SNX30: variants seen among roughly 807,000 people sequenced by gnomAD.
SNX30 encodes sorting nexin-30.
SNX30 carries 24 observed loss-of-function variants against 46.4 expected under a neutral mutation model. That is an observed-to-expected ratio of 0.52 (90% CI 0.37 to 0.73). The LOEUF (loss-of-function observed/expected upper bound fraction) is 0.73, where lower values mean the gene tolerates loss of function less well. SNX30 is among the 30% of genes least tolerant of loss of function. SNX30 has a pLI of 0.00. For missense variants in SNX30, 533 were observed against 555.7 expected (o/e 0.96, Z 0.41); for synonymous variants, 189 against 211.5 (o/e 0.89, Z 0.92).
In SNX30 at chr9:112,835,809, G is replaced by A. The variant is rs149449264; in HGVS notation, c.619-405G>A. Among the ~76,000 whole-genome samples the A allele has an allele frequency of 1.6e-3, 240 of 152,138 alleles. 2 individuals are homozygous for A. The highest frequency in any genetic ancestry group is 5.5e-3 in the African/African-American group (228 of 41,506). On this transcript the variant is annotated intron_variant, in intron 4 of 8. Coordinates refer to ENST00000374232, the MANE Select transcript of SNX30 (RefSeq NM_001012994.2). ...TTACTCCCCTTATATGGCTTTAGTTGGGGTATAAATAAATGAGTGATGGAT... is the reference window on the plus strand; with the variant it reads ...TTACTCCCCTTATATGGCTTTAGTTAGGGTATAAATAAATGAGTGATGGAT...
intron 8 of SNX30, among the ~76,000 whole-genome samples, chr9:112,867,795 T>C (rs1588144729): frequency 3.2e-4 from 8 of 25,338 alleles, no homozygotes; most frequent in South Asian, 1.4e-3. Context: ...TCAGAACCCC[T>C]CTCCACTTCC....
intron 4 of SNX30, 85 bp downstream of exon 4, chr9:112,830,968 C>A: frequency 7.2e-7 from 1 of 1,384,128 alleles, no homozygotes; most frequent in Non-Finnish European, 9.8e-7. Context: ...AGGACTCGGT[C>A]TCTACAAAAA....
intron 7 of SNX30, among the ~76,000 whole-genome samples, chr9:112,858,732 C>T (rs962430602): frequency 3.3e-5 from 5 of 152,230 alleles, no homozygotes; most frequent in Middle Eastern, 3.4e-3. Context: ...CTTCTAACTC[C>T]TACCACCCCT....
At chr9:112,883,897 A>C (rs1183265779), downstream of SNX30, among the ~76,000 whole-genome samples, 3 of 152,026 alleles carry the variant, frequency 2.0e-5, no homozygotes, top group Non-Finnish European at 2.9e-5. Flanking sequence ...TGGTTTCACT[A>C]TGTTGGCCAG....
At chr9:112,844,945 A>C (rs1840917982) in intron 6 of SNX30, among the ~76,000 whole-genome samples, 1 of 152,204 alleles carries the variant, frequency 6.6e-6, no homozygotes, top group South Asian at 2.1e-4. Context: ...CCAAAACTGA[A>C]ATGAAGAGTT....
In SNX30 at chr9:112,771,422, T is replaced by C. The variant is rs76200195; in HGVS notation, c.156+20265T>C. On this transcript the variant is annotated intron_variant, in intron 1 of 8. Coordinates refer to ENST00000374232, the MANE Select transcript of SNX30 (RefSeq NM_001012994.2). Reference sequence around the variant, plus strand: ...AATAAGGCAGCCCTGTATATACTTATATGCAACAATGGAAAAAAACGTTAA... The same window carrying C: ...AATAAGGCAGCCCTGTATATACTTACATGCAACAATGGAAAAAAACGTTAA... Among the ~76,000 whole-genome samples, 414 of 152,314 alleles carry C rather than the reference T, an allele frequency of 2.7e-3. 2 individuals carry two copies. The highest frequency in any genetic ancestry group is 9.2e-3 in the African/African-American group (383 of 41,566).
chr9:112,820,358 T>C (rs1409293613), intron 3 of SNX30, among the ~76,000 whole-genome samples: 2 of 152,174 alleles, frequency 1.3e-5, no homozygotes, highest in East Asian at 3.8e-4. Flanking sequence ...AAAAAAATTT[T>C]ATAGTAGCTT....
intron 7 of SNX30, among the ~76,000 whole-genome samples, chr9:112,855,953 G>A (rs1841119639): frequency 6.6e-6 from 1 of 152,102 alleles, no homozygotes; most frequent in South Asian, 2.1e-4. Context: ...GAGAAGCTGA[G>A]GAATTAGATT....
chr9:112,810,699 G>T (rs1840305959), intron 2 of SNX30, among the ~76,000 whole-genome samples: 1 of 152,100 alleles, frequency 6.6e-6, no homozygotes, highest in Non-Finnish European at 1.5e-5. Flanking sequence ...TGAGCCACCT[G>T]GATCTCGAGG....
chr9:112,796,551 T>C (rs932671006), intron 1 of SNX30, among the ~76,000 whole-genome samples: 4 of 152,194 alleles, frequency 2.6e-5, no homozygotes, highest in African/African-American at 4.8e-5. Context: ...TCCCAGCTGA[T>C]GAGCTTGTCC....
chr9:112,820,584 A>C (rs1840476033), intron 3 of SNX30, among the ~76,000 whole-genome samples: 1 of 152,258 alleles, frequency 6.6e-6, no homozygotes, highest in Admixed American at 6.5e-5. Flanking sequence ...TGTACAATTC[A>C]AAGGCTTTTA....
chr9:112,845,672 A>G (rs1280126873), intron 6 of SNX30, among the ~76,000 whole-genome samples: 1 of 152,184 alleles, frequency 6.6e-6, no homozygotes, highest in East Asian at 1.9e-4. Flanking sequence ...TTTCTAGAAA[A>G]TCTGGACGGG....
At chr9:112,851,065 G>T in intron 7 of SNX30, 120 bp downstream of exon 7, 2 of 608,302 alleles carry the variant, frequency 3.3e-6, no homozygotes, top group Non-Finnish European at 5.8e-6. Flanking sequence ...CTACGTTGAT[G>T]ATGTTGTCCT....
chr9:112,880,780 G>A (rs1199306081), intron 5 of SNX30, among the ~76,000 whole-genome samples: 1 of 152,160 alleles, frequency 6.6e-6, no homozygotes. Flanking sequence ...CTTTATCACT[G>A]GTAGACTGAA....
rs1303247783 is a variant in SNX30 at position 112,872,866 on chromosome 9, A to T, written c.*4023A>T. 6.6e-6 allele frequency: 1 copy of T among 152,034 alleles called. No individual in the cohort carries two copies. The highest frequency in any genetic ancestry group is 2.4e-5 in the African/African-American group (1 of 41,380). 9.4% of individuals were successfully genotyped at this position (152,034 alleles called of 1,614,324 possible). ...GCCTGTATCAGTAAATTTGAGGAAA[A>T]TGTTCTCTCCTGGGCCAGCCTCACA... On this transcript the variant is annotated 3_prime_UTR_variant, in exon 9 of 9. Transcript: ENST00000374232.
At chr9:112,844,598 G>C (rs1000132359) in intron 6 of SNX30, among the ~76,000 whole-genome samples, 19 of 152,226 alleles carry the variant, frequency 1.2e-4, no homozygotes, top group African/African-American at 4.1e-4. Flanking sequence ...TGGCAGGAGG[G>C]AAGAAGAGGA....
intron 8 of SNX30, among the ~76,000 whole-genome samples, chr9:112,867,641 C>T (rs62576453): frequency 0.83 from 123,458 of 148,482 alleles, 51,773 homozygotes; most frequent in Non-Finnish European, 0.9. Context: ...GAACTCCTCC[C>T]GCCTCCTCAG....
At chr9:112,838,409 G>T in intron 5 of SNX30, 89 bp from the exon 6 acceptor site, 1 of 1,083,494 alleles carries the variant, frequency 9.2e-7, no homozygotes. Context: ...TGTTCATGTA[G>T]AGAGCTCTTG....
chr9:112,772,276 G>T (rs553732138), intron 1 of SNX30, among the ~76,000 whole-genome samples: 8 of 152,220 alleles, frequency 5.3e-5, no homozygotes, highest in Non-Finnish European at 8.8e-5. Flanking sequence ...TTTCTGGGAG[G>T]TGGCTCTGTT....
Sources: allele counts gnomAD v4.1 joint callset (sites outside exome capture counted in the v4.1 genomes callset), GRCh38; gene constraint gnomAD v4.1.1; transcripts MANE v1.5; gene names NCBI Gene and HGNC (gene_info 2026-07-23, HGNC 2026-07-21).